Variants in DNAJC5 observed in about 807,000 individuals in gnomAD.
DNAJC5 encodes the protein dnaJ homolog subfamily C member 5.
Under a neutral mutation model 23.2 loss-of-function variants are expected in DNAJC5, and 1 was observed. The observed-to-expected ratio is 0.04, with a 90% CI of 0.02 to 0.20. The LOEUF (loss-of-function observed/expected upper bound fraction) is 0.20. DNAJC5 is among the 10% of genes least tolerant of loss of function. DNAJC5 has a pLI of 1.00. For missense variants in DNAJC5, 180 were observed against 267.0 expected (o/e 0.67, Z 2.27); for synonymous variants, 136 against 120.0 (o/e 1.13, Z -0.87).
In DNAJC5 at chr20:63,929,254, G is replaced by A. The variant is rs777675378; in HGVS notation, c.108-58G>A. The A allele has an allele frequency of 3.0e-4, 475 of 1,563,486 alleles. 1 individual carries two copies. Among genetic ancestry groups the A allele is most frequent in the Non-Finnish European group, 3.9e-4 (446 of 1,152,722 alleles). The stretch of plus-strand genomic sequence containing the variant: ...TGCGTGCGGGTGGGATGGACGCGGC[G>A]GCGGGTGCGGGTGGAACAAAGTCCA... On this transcript the variant is annotated intron_variant, in intron 2 of 4. Transcript: ENST00000360864. The surrounding 1 kb of genome is among the most constrained non-coding windows in gnomAD (Gnocchi z 8.6).
intron 1 of DNAJC5, among the ~76,000 whole-genome samples, chr20:63,912,914 G>T (rs1363478539): frequency 1.3e-5 from 2 of 152,092 alleles, no homozygotes; most frequent in African/African-American, 4.8e-5. Flanking sequence ...CCGGCAGTCA[G>T]TTTTTACATG....
At position 63,931,314 on chromosome 20, in the gene DNAJC5, G is replaced by A. The variant is rs772635046; in HGVS notation, c.494-151G>A. 7.4e-5 allele frequency: 65 copies of A among 873,834 alleles called. No individual in the cohort carries two copies. In the Middle Eastern group the frequency reaches 1.8e-3, roughly 24 times the overall value. The allele number at this position is 873,834 out of a possible 1,614,324, so 54.1% of individuals were successfully genotyped here. ...CCGAGGGCTGGCGGTGACCCAAGGC[G>A]ACGGAGGAAAGCCGTGTGGGGTGGA... is the stretch of plus-strand genomic sequence containing the variant. On this transcript the variant is annotated intron_variant, in intron 4 of 4. Transcript: ENST00000360864. The surrounding 1 kb of genome is among the most constrained non-coding windows in gnomAD (Gnocchi z 9.6).
chr20:63,899,009 CTG>C (rs2053392235), intron 1 of DNAJC5, among the ~76,000 whole-genome samples: 1 of 152,178 alleles, frequency 6.6e-6, no homozygotes, highest in South Asian at 2.1e-4. Context: ...GCAGCAGAAT[CTG>C]TGCTAGGCCT....
chr20:63,906,011 C>T (rs1047034912), intron 1 of DNAJC5, among the ~76,000 whole-genome samples: 2 of 151,894 alleles, frequency 1.3e-5, no homozygotes, highest in South Asian at 2.1e-4. Flanking sequence ...GGATTACAGG[C>T]GTGAGCCACT....
chr20:63,921,105 A>T (rs2053567889), intron 1 of DNAJC5, among the ~76,000 whole-genome samples: 1 of 151,108 alleles, frequency 6.6e-6, no homozygotes, highest in Admixed American at 6.6e-5. Context: ...GATTACAGGC[A>T]TGTGCCATCA....
intron 1 of DNAJC5, among the ~76,000 whole-genome samples, chr20:63,900,150 A>C (rs1472288519): frequency 6.6e-6 from 1 of 151,872 alleles, no homozygotes; most frequent in Non-Finnish European, 1.5e-5. Context: ...TGGCCTCCCA[A>C]AGTGCTGGGA....
At chr20:63,922,778 CAAAA>C (rs2053583061) in intron 1 of DNAJC5, among the ~76,000 whole-genome samples, 1 of 150,778 alleles carries the variant, frequency 6.6e-6, no homozygotes, top group Non-Finnish European at 1.5e-5. Flanking sequence ...TCCAAACAAA[CAAAA>C]AAGCAAAAAA....
rs1315448722 is a variant in DNAJC5 at position 63,920,381 on chromosome 20, G to A, written c.-11-7954G>A. The stretch of plus-strand genomic sequence containing the variant: ...AAGTGTGGTGGGTGTGGTGGGGGAA[G>A]GGGCTGGCGTCAGCAGGGCTCTCGT... On this transcript the variant is annotated intron_variant, in intron 1 of 4. Coordinates refer to ENST00000360864, the MANE Select transcript of DNAJC5 (RefSeq NM_025219.3). This position sits in a 1 kb window ranked among gnomAD's most constrained non-coding sequence, Gnocchi z 4.6. Among the ~76,000 whole-genome samples the A allele has an allele frequency of 1.3e-5, 2 of 152,224 alleles. No individual in the cohort carries two copies. Among genetic ancestry groups the A allele is most frequent in the Non-Finnish European group, 2.9e-5 (2 of 68,042 alleles).
At position 63,929,213 on chromosome 20, in the gene DNAJC5, C is replaced by T. The variant is rs2053640522; in HGVS notation, c.108-99C>T. Reference sequence around the variant, plus strand: ...GAGGTGGCCTGGGTGGACCTGCCTTCCACTGCACCCGGCAGTGCGTGCGGG... The same window carrying T: ...GAGGTGGCCTGGGTGGACCTGCCTTTCACTGCACCCGGCAGTGCGTGCGGG... On this transcript the variant is annotated intron_variant, in intron 2 of 4. Transcript: ENST00000360864. The surrounding 1 kb of genome is among the most constrained non-coding windows in gnomAD (Gnocchi z 8.6). The T allele has an allele frequency of 2.8e-6, 4 of 1,409,104 alleles. No individual in the cohort carries two copies. The highest frequency in any genetic ancestry group is 2.9e-5 in the African/African-American group (2 of 70,174). The allele number at this position is 1,409,104 out of a possible 1,614,324, so 87.3% of individuals were successfully genotyped here. A position where few individuals can be genotyped will look rare whatever the true frequency, so the allele number is the denominator to read the frequency against.
intron 1 of DNAJC5, among the ~76,000 whole-genome samples, chr20:63,912,162 G>C (rs1323487140): frequency 6.6e-6 from 1 of 152,066 alleles, no homozygotes; most frequent in Non-Finnish European, 1.5e-5. Context: ...AATTATCTGG[G>C]CATGGCGGCA....
intron 1 of DNAJC5, among the ~76,000 whole-genome samples, chr20:63,914,220 ATTG>A (rs1383712051): frequency 1.3e-5 from 2 of 148,186 alleles, no homozygotes; most frequent in Non-Finnish European, 2.9e-5. Context: ...TTACCTTGTA[ATTG>A]TTGTTAAAAC....
intron 1 of DNAJC5, among the ~76,000 whole-genome samples, chr20:63,925,311 C>T (rs1056366528): frequency 6.6e-6 from 1 of 152,094 alleles, no homozygotes; most frequent in African/African-American, 2.4e-5. Context: ...TGGTGAAACC[C>T]CATCTCTACT....
In DNAJC5 at chr20:63,928,606, A is replaced by G. The variant is rs1213793251; in HGVS notation, c.107+154A>G. The stretch of plus-strand genomic sequence containing the variant: ...AGCTCGGTAACACCTTTGTATGTGT[A>G]ATGTGCTCCTTATAGCTTAAAGTTA... On this transcript the variant is annotated intron_variant, in intron 2 of 4. Coordinates refer to ENST00000360864, the MANE Select transcript of DNAJC5 (RefSeq NM_025219.3). The surrounding 1 kb of genome is among the most constrained non-coding windows in gnomAD (Gnocchi z 4.6). 2.6e-5 allele frequency among the ~76,000 whole-genome samples: 4 copies of G among 152,212 alleles called. No homozygotes were observed. The highest frequency in any genetic ancestry group is 2.0e-4 in the Admixed American group (3 of 15,284).
At chr20:63,924,139 T>G (rs1245911679) in intron 1 of DNAJC5, among the ~76,000 whole-genome samples, 1 of 152,162 alleles carries the variant, frequency 6.6e-6, no homozygotes, top group Non-Finnish European at 1.5e-5. Context: ...TTGTTCTTTT[T>G]ATTAATGTTG....
intron 1 of DNAJC5, among the ~76,000 whole-genome samples, chr20:63,903,019 C>T (rs2053424846): frequency 6.6e-6 from 1 of 150,648 alleles, no homozygotes; most frequent in Non-Finnish European, 1.5e-5. Context: ...CTGTCTCTCA[C>T]CCAAGTTAGA....
chr20:63,911,841 T>G (rs2053484587), intron 1 of DNAJC5, among the ~76,000 whole-genome samples: 1 of 151,026 alleles, frequency 6.6e-6, no homozygotes, highest in African/African-American at 2.4e-5. Context: ...GCCTGGCGAG[T>G]TTTTGTATTT....
chr20:63,912,196 G>A (rs1455995637), intron 1 of DNAJC5, among the ~76,000 whole-genome samples: 1 of 151,872 alleles, frequency 6.6e-6, no homozygotes, highest in Non-Finnish European at 1.5e-5. Context: ...CCAGCTACTC[G>A]GGAAGCTGAG....
At chr20:63,927,307 G>A (rs1470879964) in intron 1 of DNAJC5, among the ~76,000 whole-genome samples, 4 of 152,174 alleles carry the variant, frequency 2.6e-5, no homozygotes, top group Non-Finnish European at 2.9e-5. Context: ...ACCTGAGGTC[G>A]GGAGTTCAGC....
chr20:63,904,278 AT>A (rs2053433148), intron 1 of DNAJC5, among the ~76,000 whole-genome samples: 1 of 152,134 alleles, frequency 6.6e-6, no homozygotes, highest in Non-Finnish European at 1.5e-5. Flanking sequence ...ACAACACAGG[AT>A]TTACAAAATT....
Sources: allele counts gnomAD v4.1 joint callset (sites outside exome capture counted in the v4.1 genomes callset), GRCh38; gene constraint gnomAD v4.1.1; non-coding constraint Gnocchi (gnomAD v3.1); transcripts MANE v1.5; gene names NCBI Gene and HGNC (gene_info 2026-07-23, HGNC 2026-07-21).